ARL15: variants seen among roughly 807,000 people sequenced by gnomAD.
The protein encoded by ARL15 is ARF like GTPase 15.
A neutral mutation model predicts 25.2 loss-of-function variants in ARL15; 19 were observed. That is an observed-to-expected ratio of 0.75 (90% CI 0.53 to 1.10). The LOEUF (loss-of-function observed/expected upper bound fraction) is 1.10. Ranked by LOEUF, ARL15 falls within the 50% of genes least tolerant of loss-of-function variation. The pLI is 0.00. For missense variants in ARL15, 220 were observed against 246.0 expected (o/e 0.89, Z 0.71); for synonymous variants, 94 against 86.8 (o/e 1.08, Z -0.46).
At chr5:54,047,374 T>C (rs1017625179) in intron 4 of ARL15, among the ~76,000 whole-genome samples, 2 of 152,196 alleles carry the variant, frequency 1.3e-5, no homozygotes, top group Non-Finnish European at 2.9e-5. Context: ...ACTCTCTCTG[T>C]GTTGGTCTCA....
chr5:53,946,659 A>G (rs1746746602), intron 4 of ARL15, among the ~76,000 whole-genome samples: 1 of 152,110 alleles, frequency 6.6e-6, no homozygotes, highest in Admixed American at 6.5e-5. Context: ...AAGGGATTGC[A>G]TTGGAGGTGG....
intron 4 of ARL15, among the ~76,000 whole-genome samples, chr5:53,904,781 T>C (rs1268481970): frequency 7.1e-6 from 1 of 141,208 alleles, no homozygotes; most frequent in Non-Finnish European, 1.5e-5. Context: ...CAGGCTGGAG[T>C]GCAGTGGCAC....
chr5:54,110,940 A>ATTTT (rs1752721850), intron 4 of ARL15, among the ~76,000 whole-genome samples: 1 of 152,078 alleles, frequency 6.6e-6, no homozygotes, highest in African/African-American at 2.4e-5. Context: ...TACAGTACAC[A>ATTTT]GAGAAACTTC....
Position 54,118,656 on chromosome 5 carries a change from T to C in ARL15, c.254-5246A>G, listed in dbSNP as rs546476611. Reference sequence around the variant, plus strand: ...TTATTCTAACCTTGGCTGACTCAAGTCCCAAGATAGAAGAGCTGGAGTTGG... The same window carrying C: ...TTATTCTAACCTTGGCTGACTCAAGCCCCAAGATAGAAGAGCTGGAGTTGG... On this transcript the variant is annotated intron_variant, in intron 3 of 4. Transcript: ENST00000504924. Among the ~76,000 whole-genome samples, 212 of 152,242 alleles carry C rather than the reference T, an allele frequency of 1.4e-3. 2 individuals are homozygous for C. The highest frequency in any genetic ancestry group is 3.2e-3 in the Admixed American group (49 of 15,284).
At chr5:54,146,391 G>A (rs1477805612) in intron 3 of ARL15, among the ~76,000 whole-genome samples, 2 of 152,076 alleles carry the variant, frequency 1.3e-5, no homozygotes, top group African/African-American at 4.8e-5. Context: ...CAAGAGAATT[G>A]TTATCAGCAT....
intron 4 of ARL15, among the ~76,000 whole-genome samples, chr5:54,000,377 C>G (rs1484859496): frequency 6.6e-6 from 1 of 152,112 alleles, no homozygotes; most frequent in African/African-American, 2.4e-5. Context: ...CCTGCAATAA[C>G]GCCTGGATAG....
chr5:54,072,972 T>C (rs1751473812), intron 4 of ARL15, among the ~76,000 whole-genome samples: 1 of 152,216 alleles, frequency 6.6e-6, no homozygotes, highest in South Asian at 2.1e-4. Context: ...ATTGTCAATG[T>C]CTTTTCTAGA....
At chr5:54,249,946 T>C (rs996273748) in intron 1 of ARL15, among the ~76,000 whole-genome samples, 1 of 152,148 alleles carries the variant, frequency 6.6e-6, no homozygotes, top group African/African-American at 2.4e-5. Context: ...TGACTGGTCA[T>C]AGGGTGTGTC....
intron 3 of ARL15, among the ~76,000 whole-genome samples, chr5:54,126,164 G>A (rs1190134539): frequency 6.6e-6 from 1 of 151,864 alleles, no homozygotes; most frequent in Non-Finnish European, 1.5e-5. Flanking sequence ...ATCCTCTTTG[G>A]GAAAGTCTTT....
chr5:54,264,212 C>T (rs537416805), intron 1 of ARL15, among the ~76,000 whole-genome samples: 3 of 152,064 alleles, frequency 2.0e-5, no homozygotes, highest in Non-Finnish European at 4.4e-5. Context: ...CCTAAAAAAC[C>T]CCCATATGAA....
At chr5:54,095,074 G>T (rs1312999420) in intron 4 of ARL15, among the ~76,000 whole-genome samples, 1 of 152,176 alleles carries the variant, frequency 6.6e-6, no homozygotes. Flanking sequence ...CAGTGGGCCT[G>T]CAGTGGGCTT....
intron 3 of ARL15, among the ~76,000 whole-genome samples, chr5:54,147,518 T>C (rs1241028062): frequency 6.6e-6 from 1 of 152,182 alleles, no homozygotes; most frequent in African/African-American, 2.4e-5. Flanking sequence ...ACTTCTTCCT[T>C]AGAATTATAT....
chr5:54,128,682 T>G (rs746357214), intron 3 of ARL15, among the ~76,000 whole-genome samples: 1 of 151,192 alleles, frequency 6.6e-6, no homozygotes, highest in Non-Finnish European at 1.5e-5. Context: ...AACACAAGTA[T>G]TTCCTATATT....
chr5:54,111,691 T>C (rs1023770613), intron 4 of ARL15, among the ~76,000 whole-genome samples: 1 of 152,114 alleles, frequency 6.6e-6, no homozygotes, highest in Non-Finnish European at 1.5e-5. Context: ...ATGTATTATG[T>C]ATATATTACA....
intron 3 of ARL15, among the ~76,000 whole-genome samples, chr5:54,128,628 C>T (rs919244566): frequency 1.3e-5 from 2 of 151,890 alleles, no homozygotes; most frequent in Admixed American, 1.3e-4. Flanking sequence ...GTTGATAATA[C>T]ATTTATGACA....
chr5:53,965,538 G>T (rs566377078), intron 4 of ARL15, among the ~76,000 whole-genome samples: 108 of 152,204 alleles, frequency 7.1e-4, no homozygotes, highest in Non-Finnish European at 6.3e-4. Context: ...AAGCCTTAGA[G>T]ACCACAGAAG....
At chr5:54,117,142 T>G (rs917062943) in intron 3 of ARL15, among the ~76,000 whole-genome samples, 2 of 152,162 alleles carry the variant, frequency 1.3e-5, no homozygotes, top group Non-Finnish European at 2.9e-5. Flanking sequence ...CAAATTACAA[T>G]GAGGCCTGCA....
intron 4 of ARL15, among the ~76,000 whole-genome samples, chr5:53,901,003 T>A (rs1006747808): frequency 1.3e-5 from 2 of 152,226 alleles, no homozygotes; most frequent in African/African-American, 4.8e-5. Context: ...TTTCAGAGAA[T>A]GGAAAGCTCT....
intron 1 of ARL15, among the ~76,000 whole-genome samples, chr5:54,231,407 C>T (rs1053649466): frequency 6.6e-6 from 1 of 152,152 alleles, no homozygotes; most frequent in African/African-American, 2.4e-5. Flanking sequence ...TCATAACACT[C>T]TTATCTGCAC....
Sources: allele counts gnomAD v4.1 joint callset (sites outside exome capture counted in the v4.1 genomes callset), GRCh38; gene constraint gnomAD v4.1.1; transcripts MANE v1.5; gene names NCBI Gene and HGNC (gene_info 2026-07-23, HGNC 2026-07-21).